Variants in PRKG1 observed in about 807,000 individuals in gnomAD.
The protein encoded by PRKG1 is cGMP-dependent protein kinase 1.
In PRKG1, 35 loss-of-function variants were observed where a neutral mutation model predicts 88.1. The observed-to-expected ratio is 0.40, with a 90% CI of 0.30 to 0.53. PRKG1 has a LOEUF of 0.53. Ranked by LOEUF, PRKG1 falls within the 20% of genes least tolerant of loss-of-function variation. PRKG1 has a pLI of 0.59. For missense variants in PRKG1, 540 were observed against 839.8 expected (o/e 0.64, Z 4.41); for synonymous variants, 303 against 292.5 (o/e 1.04, Z -0.37).
chr10:52,140,589 C>A (rs1461612467), intron 8 of PRKG1, among the ~76,000 whole-genome samples: 2 of 152,098 alleles, frequency 1.3e-5, no homozygotes, highest in Admixed American at 6.6e-5. Context: ...TAATAGCTAA[C>A]TAATTAGAGA....
chr10:52,120,431 T>C (rs565636843), intron 7 of PRKG1, among the ~76,000 whole-genome samples: 6 of 152,292 alleles, frequency 3.9e-5, no homozygotes, highest in African/African-American at 7.2e-5. Context: ...GAATCAGATA[T>C]GGATGAGACT....
At chr10:51,452,987 C>T (rs756864436) in intron 2 of PRKG1, among the ~76,000 whole-genome samples, 5 of 151,928 alleles carry the variant, frequency 3.3e-5, no homozygotes, top group Non-Finnish European at 7.4e-5. Context: ...TTGGTCTGCT[C>T]AGAATTTCTA....
At chr10:52,252,845 A>G (rs887933158) in intron 10 of PRKG1, 7 of 148,122 alleles carry the variant, frequency 4.7e-5, no homozygotes, top group East Asian at 2.0e-4. Flanking sequence ...TTCTGGGAGA[A>G]AAAAAAAAAA....
At chr10:51,886,993 T>C (rs768815239) in intron 4 of PRKG1, among the ~76,000 whole-genome samples, 2 of 152,152 alleles carry the variant, frequency 1.3e-5, no homozygotes, top group East Asian at 1.9e-4. Flanking sequence ...ATTATTATGA[T>C]TGGTATTTTT....
intron 10 of PRKG1, among the ~76,000 whole-genome samples, chr10:52,258,819 TATTTCATCAGGAGAGAGGTC>T (rs1841366787): frequency 6.6e-6 from 1 of 152,110 alleles, no homozygotes; most frequent in Non-Finnish European, 1.5e-5. Context: ...ATGTTCTTAG[TATTTCATCAGGAGAGAGGTC>T]ATTTGAAATT....
chr10:51,976,625 A>G (rs1384456919), intron 5 of PRKG1, among the ~76,000 whole-genome samples: 2 of 152,104 alleles, frequency 1.3e-5, no homozygotes, highest in East Asian at 3.9e-4. Flanking sequence ...ATGGGGAATG[A>G]CTGCTAATTG....
chr10:51,358,762 G>T (rs1428007701), intron 2 of PRKG1, among the ~76,000 whole-genome samples: 1 of 151,850 alleles, frequency 6.6e-6, no homozygotes, highest in African/African-American at 2.4e-5. Flanking sequence ...AGCTAATTTG[G>T]AATACTGTCA....
At chr10:52,107,773 C>T (rs1363213479) in intron 7 of PRKG1, among the ~76,000 whole-genome samples, 2 of 152,176 alleles carry the variant, frequency 1.3e-5, no homozygotes, top group Admixed American at 6.6e-5. Flanking sequence ...ACCAATGTGT[C>T]GCTTTCCAAT....
At chr10:51,909,551 T>C (rs1842169572) in intron 5 of PRKG1, 1 of 151,824 alleles carries the variant, frequency 6.6e-6, no homozygotes, top group Non-Finnish European at 1.5e-5. Flanking sequence ...TATTGAAAAT[T>C]GGATATACGT....
At chr10:51,783,907 C>A (rs867109359) in intron 3 of PRKG1, among the ~76,000 whole-genome samples, 2 of 152,114 alleles carry the variant, frequency 1.3e-5, no homozygotes, top group Non-Finnish European at 2.9e-5. Context: ...TGAAAACAAG[C>A]CACAGTCCTA....
At chr10:52,090,143 A>C (rs2133321281) in intron 7 of PRKG1, among the ~76,000 whole-genome samples, 1 of 152,198 alleles carries the variant, frequency 6.6e-6, no homozygotes, top group South Asian at 2.1e-4. Context: ...CCATTACTCC[A>C]TAAAGAAACC....
chr10:51,876,080 C>G (rs550469593), intron 4 of PRKG1, among the ~76,000 whole-genome samples: 1 of 152,058 alleles, frequency 6.6e-6, no homozygotes, highest in Non-Finnish European at 1.5e-5. Flanking sequence ...AAGGAACTAC[C>G]TTTTCCCTTT....
chr10:51,338,061 A>G (rs992088519), intron 2 of PRKG1, among the ~76,000 whole-genome samples: 7 of 152,198 alleles, frequency 4.6e-5, no homozygotes, highest in African/African-American at 1.7e-4. Context: ...ATAGAATACT[A>G]TGCAGCCATA....
intron 1 of PRKG1, among the ~76,000 whole-genome samples, chr10:51,069,308 C>A (rs538189094): frequency 6.6e-6 from 1 of 152,050 alleles, no homozygotes; most frequent in Admixed American, 6.6e-5. Flanking sequence ...AACAGCCAAA[C>A]TATTTCAATT....
chr10:51,553,776 A>G (rs1462693490), intron 3 of PRKG1, among the ~76,000 whole-genome samples: 6 of 131,708 alleles, frequency 4.6e-5, no homozygotes, highest in African/African-American at 1.6e-4. Flanking sequence ...TATATAATAT[A>G]TGTATATATT....
At chr10:51,327,287 T>C (rs527355544) in intron 2 of PRKG1, among the ~76,000 whole-genome samples, 65 of 151,766 alleles carry the variant, frequency 4.3e-4, no homozygotes, top group African/African-American at 1.4e-3. Flanking sequence ...CCTGGTGGTG[T>C]GCAGTTGTAA....
At chr10:52,190,868 T>G (rs1839344995) in intron 9 of PRKG1, among the ~76,000 whole-genome samples, 1 of 152,208 alleles carries the variant, frequency 6.6e-6, no homozygotes, top group Admixed American at 6.5e-5. Flanking sequence ...TTTACTGATA[T>G]ATTTTAAAAC....
intron 5 of PRKG1, among the ~76,000 whole-genome samples, chr10:51,917,587 T>A (rs905043202): frequency 6.6e-6 from 1 of 152,196 alleles, no homozygotes; most frequent in Non-Finnish European, 1.5e-5. Flanking sequence ...TTGACAGCCA[T>A]GCAAATATCC....
chr10:51,349,855 A>G (rs1842202506), intron 2 of PRKG1, among the ~76,000 whole-genome samples: 1 of 152,102 alleles, frequency 6.6e-6, no homozygotes, highest in East Asian at 1.9e-4. Context: ...AGAGATTCTC[A>G]GTGGAGTACC....
Sources: allele counts gnomAD v4.1 joint callset (sites outside exome capture counted in the v4.1 genomes callset), GRCh38; gene constraint gnomAD v4.1.1; transcripts MANE v1.5; gene names NCBI Gene and HGNC (gene_info 2026-07-23, HGNC 2026-07-21).